The following MAP4K4 variants were observed in gnomAD, a reference collection of about 807,000 sequenced individuals.
MAP4K4 encodes the protein mitogen-activated protein kinase kinase kinase kinase 4.
In MAP4K4, 38 loss-of-function variants were observed where a neutral mutation model predicts 189.6. The observed-to-expected ratio is 0.20, with a 90% CI of 0.15 to 0.26. The LOEUF is 0.26. Among genes scored for constraint, MAP4K4 ranks in the 10% least tolerant of loss-of-function variants. The pLI, the probability that MAP4K4 is intolerant of heterozygous loss-of-function variation, is 1.00. For missense variants in MAP4K4, 1,054 were observed against 1,726.9 expected (o/e 0.61, Z 6.91); for synonymous variants, 610 against 624.3 (o/e 0.98, Z 0.34).
chr2:101,883,144 G>C (rs1343241460), intron 28 of MAP4K4, among the ~76,000 whole-genome samples: 3 of 152,318 alleles, frequency 2.0e-5, no homozygotes, highest in African/African-American at 4.8e-5. Flanking sequence ...TGATAAGAGT[G>C]TTTGAGAGTT....
chr2:101,714,848 A>G (rs1051535300), intron 2 of MAP4K4, among the ~76,000 whole-genome samples: 1 of 152,232 alleles, frequency 6.6e-6, no homozygotes, highest in Non-Finnish European at 1.5e-5. Flanking sequence ...CATCAGTCAC[A>G]TAAATGGAAC....
exon 30 of MAP4K4, chr2:101,887,114 A>G: frequency 6.3e-7 from 1 of 1,598,510 alleles, no homozygotes; most frequent in Non-Finnish European, 8.5e-7. Context: ...TACATAAGCC[A>G]TTACTGGTGG....
chr2:101,829,347 G>T (rs2096513547), intron 5 of MAP4K4, among the ~76,000 whole-genome samples, 157 bp from the exon 6 acceptor site: 1 of 152,154 alleles, frequency 6.6e-6, no homozygotes, highest in South Asian at 2.1e-4. Context: ...TGGTAGTATT[G>T]GTGCTGTCTT....
chr2:101,703,293 T>A (rs1313875064), intron 2 of MAP4K4, among the ~76,000 whole-genome samples: 1 of 152,128 alleles, frequency 6.6e-6, no homozygotes, highest in Non-Finnish European at 1.5e-5. Context: ...TCACTCGTTC[T>A]CTGCAGGCTT....
chr2:101,825,495 G>A, intron 5 of MAP4K4, 66 bp downstream of exon 5: 2 of 1,018,334 alleles, frequency 2.0e-6, no homozygotes, highest in Non-Finnish European at 3.0e-6. Context: ...CATTTTCCCA[G>A]CCCCAAGTAC....
chr2:101,860,883 C>G, exon 16 of MAP4K4: 1 of 1,609,244 alleles, frequency 6.2e-7, no homozygotes. Context: ...TCTAAGCAGA[C>G]AGGCAGAGTA....
At chr2:101,706,257 C>G (rs1403216807) in intron 2 of MAP4K4, among the ~76,000 whole-genome samples, 2 of 152,142 alleles carry the variant, frequency 1.3e-5, no homozygotes, top group African/African-American at 4.8e-5. Context: ...TATTGACGTC[C>G]TCTAGCAGTA....
chr2:101,762,773 A>G (rs551531078), intron 2 of MAP4K4, among the ~76,000 whole-genome samples: 4 of 152,322 alleles, frequency 2.6e-5, no homozygotes, highest in African/African-American at 9.6e-5. Context: ...CTGACTTGAT[A>G]AAATCCCTCC....
chr2:101,845,533 C>T (rs2097076926), intron 12 of MAP4K4, among the ~76,000 whole-genome samples: 1 of 152,184 alleles, frequency 6.6e-6, no homozygotes, highest in African/African-American at 2.4e-5. Context: ...GGTGTGGCCT[C>T]TTGCTTCTAG....
At chr2:101,879,284 TTTCC>T (rs2098310596) in intron 27 of MAP4K4, among the ~76,000 whole-genome samples, 1 of 149,616 alleles carries the variant, frequency 6.7e-6, no homozygotes, top group African/African-American at 2.4e-5. Flanking sequence ...TTTTTTTTTT[TTTCC>T]TTCCTTATTA....
At chr2:101,824,083 G>A in intron 4 of MAP4K4, 30 bp downstream of exon 4, 1 of 1,156,620 alleles carries the variant, frequency 8.6e-7, no homozygotes, top group Non-Finnish European at 1.1e-6. Context: ...GCATTTGTGG[G>A]CATTCCATTT....
At position 101,779,798 on chromosome 2, in the gene MAP4K4, C is replaced by T. The variant is rs375130854; in HGVS notation, c.124-10922C>T. ...AGAAAACTTGAAAGGTGGGGTTTCT[C>T]TTTCACCTCTCTTTTTTTTTTTTTT... On this transcript the variant is annotated intron_variant, in intron 2 of 32. Coordinates refer to ENST00000324219, the Ensembl canonical transcript of MAP4K4. Among the ~76,000 whole-genome samples the T allele has an allele frequency of 2.1e-5, 3 of 145,162 alleles. No individual in the cohort carries two copies. In the Admixed American group the frequency reaches 2.1e-4, roughly 10 times the overall value.
intron 30 of MAP4K4, 162 bp downstream of exon 30, chr2:101,887,399 T>A (rs964396936): frequency 1.4e-6 from 1 of 690,778 alleles, no homozygotes; most frequent in Non-Finnish European, 2.3e-6. Flanking sequence ...TCCATGCTCT[T>A]AGACAAGTGG....
chr2:101,845,902 G>C (rs1437871267), intron 12 of MAP4K4, among the ~76,000 whole-genome samples: 1 of 152,112 alleles, frequency 6.6e-6, no homozygotes, highest in Non-Finnish European at 1.5e-5. Context: ...ATATTATCCA[G>C]TGGAATTTAA....
chr2:101,778,505 G>A (rs533519146), intron 2 of MAP4K4, among the ~76,000 whole-genome samples: 2 of 152,174 alleles, frequency 1.3e-5, no homozygotes, highest in East Asian at 1.9e-4. Flanking sequence ...AGGGGGTGGC[G>A]CTTTGGGGGG....
Position 101,702,659 on chromosome 2 carries a change from G to A in MAP4K4, c.123+4121G>A, listed in dbSNP as rs577262098. ...AGAGGGGAAATCCGGTAACAGTAAC[G>A]TGGAAGTCAGGGAGTTTAGAATCCA... On this transcript the variant is annotated intron_variant, in intron 2 of 32. Coordinates refer to ENST00000324219, the Ensembl canonical transcript of MAP4K4. Among the ~76,000 whole-genome samples the A allele has an allele frequency of 2.0e-5, 3 of 152,340 alleles. No individual in the cohort carries two copies. In the East Asian group the frequency reaches 5.8e-4, roughly 29 times the overall value.
At position 101,878,985 on chromosome 2, in the gene MAP4K4, A is replaced by G. The variant is rs1046565132; in HGVS notation, c.3385+1839A>G. On this transcript the variant is annotated intron_variant, in intron 27 of 32. Coordinates refer to ENST00000324219, the Ensembl canonical transcript of MAP4K4. ...GATGGTAGTTTTTTAAGTTGGAGAA[A>G]ACAAATCTGCATTTAGTGATCCAGT... is the stretch of plus-strand genomic sequence containing the variant. 1.2e-4 allele frequency among the ~76,000 whole-genome samples: 18 copies of G among 152,214 alleles called. 1 individual carries two copies. Among genetic ancestry groups the G allele is most frequent in the South Asian group, 4.1e-4 (2 of 4,832 alleles).
exon 16 of MAP4K4, chr2:101,860,947 G>T (rs1490984942): frequency 3.7e-6 from 6 of 1,603,794 alleles, no homozygotes; most frequent in African/African-American, 1.3e-5. Context: ...GCAACTCCGA[G>T]TCTGTGCATC....
chr2:101,893,060 C>G (rs1484770013), exon 33 of MAP4K4: 2 of 456,270 alleles, frequency 4.4e-6, no homozygotes, highest in African/African-American at 4.0e-5. Flanking sequence ...CTGCTCCCAC[C>G]CACCTAAACA....
Sources: gnomAD v4.1 joint callset for allele counts (sites outside exome capture counted in the v4.1 genomes callset) on GRCh38, gnomAD v4.1.1 for gene constraint, MANE v1.5 for transcripts, NCBI Gene and HGNC (gene_info 2026-07-23, HGNC 2026-07-21) for gene names.